Variants in HIVEP3 observed in about 807,000 individuals in gnomAD.
HIVEP3 encodes transcription factor HIVEP3.
A neutral mutation model predicts 152.8 loss-of-function variants in HIVEP3; 49 were observed. That is an observed-to-expected ratio of 0.32 (90% confidence interval 0.26 to 0.41). HIVEP3 has a LOEUF of 0.41. HIVEP3 is among the 10% of genes least tolerant of loss of function. The probability of loss-of-function intolerance (pLI) is 1.00; values close to 1 mark genes in which losing one functional copy is unlikely to be tolerated. For synonymous variants in HIVEP3, 1,269 were observed against 1,289.0 expected, an observed-to-expected ratio of 0.98 and a Z score of 0.33; for missense variants, 2,790 against 3,103.3, an observed-to-expected ratio of 0.90 and a Z score of 2.40.
Position 41,513,223 on chromosome 1 carries a change from C to A in HIVEP3, c.5998G>T (p.Ala2000Ser). The change falls in exon 8 of 9, where the codon GCC becomes TCC. Residue 2000 changes from alanine to serine, a missense_variant. By Grantham distance (99) the Ala-to-Ser change is moderately conservative. Around this residue, in one of 9 missense-constraint regions of HIVEP3, gnomAD observed 816 missense variants for 806.5 expected, o/e 1.01. Coordinates refer to ENST00000372583, the MANE Select transcript of HIVEP3 (RefSeq NM_024503.5). ...GGGGCTGAGGCCTGTGGTTCTCGGG[C>A]CGGGGAGCATCGCTGGGGAGATGAG... ...NDSSPQRCSP[A>S]REPQASAPSP... is the part of the protein sequence containing the mutation. 1 of 1,613,586 alleles carries A rather than the reference C, an allele frequency of 6.2e-7. No individual in the cohort carries two copies. The highest frequency in any genetic ancestry group is 8.5e-7 in the Non-Finnish European group (1 of 1,179,884).
chr1:41,853,302 G>T (rs1381890792), intron 1 of HIVEP3, among the ~76,000 whole-genome samples: 1 of 152,172 alleles, frequency 6.6e-6, no homozygotes, highest in Non-Finnish European at 1.5e-5. Flanking sequence ...CTGAGACTGG[G>T]TGATTTATAA....
intron 2 of HIVEP3, among the ~76,000 whole-genome samples, chr1:41,648,252 T>C (rs951099443): frequency 2.0e-5 from 3 of 152,260 alleles, no homozygotes; most frequent in Admixed American, 6.5e-5. Flanking sequence ...TCTTTCATCC[T>C]AGTCCGACAA....
intron 1 of HIVEP3, among the ~76,000 whole-genome samples, chr1:41,887,426 C>G (rs1644364357): frequency 6.6e-6 from 1 of 152,186 alleles, no homozygotes; most frequent in Non-Finnish European, 1.5e-5. Flanking sequence ...TCAAGCCCTA[C>G]AAAATCTCAA....
intron 1 of HIVEP3, among the ~76,000 whole-genome samples, chr1:41,806,230 C>T (rs1426654176): frequency 6.6e-6 from 1 of 152,238 alleles, no homozygotes; most frequent in Non-Finnish European, 1.5e-5. Context: ...CCCAGGGCTG[C>T]CCCCTTATCA....
rs200207498 is a variant in HIVEP3 at position 41,513,550 on chromosome 1, G to T, written c.5671C>A (p.Arg1891=). 6.2e-7 allele frequency: 1 copy of T among 1,610,206 alleles called. No homozygotes were observed. Among genetic ancestry groups the T allele is most frequent in the Admixed American group, 1.7e-5 (1 of 59,790 alleles). Residue 1891 remains arginine (R), a synonymous_variant, in exon 8 of 9, where the codon CGG becomes AGG. Coordinates refer to ENST00000372583, the MANE Select transcript of HIVEP3 (RefSeq NM_024503.5). Reference sequence around the variant, plus strand: ...CCCAGGATGGGTGAGGAGTCTGCCCGCAGTGCATGTGGTGGGCCAGGCGGG... The same window carrying T: ...CCCAGGATGGGTGAGGAGTCTGCCCTCAGTGCATGTGGTGGGCCAGGCGGG... ...APPPGPPHAL[R]ADSSPILGPQ... is the part of the protein sequence containing the mutation.
chr1:41,526,284 C>T (rs935288666), intron 5 of HIVEP3, among the ~76,000 whole-genome samples: 10 of 147,432 alleles, frequency 6.8e-5, no homozygotes, highest in Non-Finnish European at 1.2e-4. Flanking sequence ...CACCCTCACA[C>T]GCTCACCCTC....
In HIVEP3 at chr1:41,815,335, G is replaced by A. The variant is rs982230963; in HGVS notation, c.-801+103078C>T. Among the ~76,000 whole-genome samples, 13 of 152,194 alleles carry A rather than the reference G, an allele frequency of 8.5e-5. No individual in the cohort carries two copies. The South Asian group carries it at 1.9e-3, about 22-fold the overall frequency. On this transcript the variant is annotated intron_variant, in intron 1 of 8. Transcript: ENST00000372583. The stretch of plus-strand genomic sequence containing the variant: ...CAAAAAATAAAAATTAGCTGGGCAT[G>A]GTGGTGCATGCCTGCAGCCCCAGCT...
chr1:41,988,528 CAGTT>C (rs1315897409), intron 1 of HIVEP3, among the ~76,000 whole-genome samples: 1 of 152,132 alleles, frequency 6.6e-6, no homozygotes, highest in Admixed American at 6.5e-5. Flanking sequence ...TACTTCACAA[CAGTT>C]AGGATAGCTG....
intron 2 of HIVEP3, among the ~76,000 whole-genome samples, chr1:41,681,143 G>A (rs531176504): frequency 6.6e-6 from 1 of 151,804 alleles, no homozygotes; most frequent in East Asian, 1.9e-4. Flanking sequence ...CTGTCTGCTG[G>A]AGTGCAGTGG....
chr1:41,589,135 A>T (rs1644548192), intron 3 of HIVEP3, among the ~76,000 whole-genome samples: 1 of 152,238 alleles, frequency 6.6e-6, no homozygotes, highest in South Asian at 2.1e-4. Context: ...GAAAAGAGCC[A>T]CTTTTCCAGG....
rs547806983 is a variant in HIVEP3 at position 41,898,665 on chromosome 1, G to A, written c.-801+19748C>T. On this transcript the variant is annotated intron_variant, in intron 1 of 8. Transcript: ENST00000372583. ...GAATAAGTCCTCTCTGAGAATTTAC[G>A]AAGGCACCTGGCTGCCATCAGCACA... Among the ~76,000 whole-genome samples the A allele has an allele frequency of 3.3e-5, 5 of 152,342 alleles. No homozygotes were observed. The South Asian group carries it at 6.2e-4, about 19-fold the overall frequency.
intron 1 of HIVEP3, among the ~76,000 whole-genome samples, chr1:41,823,743 T>C (rs1470629163): frequency 3.3e-5 from 5 of 152,070 alleles, no homozygotes; most frequent in Non-Finnish European, 5.9e-5. Context: ...GAAACCCAAT[T>C]AGCACAAAGT....
intron 1 of HIVEP3, among the ~76,000 whole-genome samples, chr1:41,782,764 T>G (rs1362315421): frequency 5.3e-5 from 8 of 151,098 alleles, no homozygotes; most frequent in African/African-American, 1.9e-4. Flanking sequence ...ATAGTAACAT[T>G]TTAATGCATA....
intron 6 of HIVEP3, among the ~76,000 whole-genome samples, chr1:41,520,572 C>T (rs1001479243): frequency 2.6e-5 from 4 of 152,176 alleles, no homozygotes; most frequent in African/African-American, 9.7e-5. Context: ...GTCCTAAGGT[C>T]GTGGAGCCAG....
chr1:41,695,072 C>T (rs1646252284), intron 2 of HIVEP3, among the ~76,000 whole-genome samples: 1 of 152,196 alleles, frequency 6.6e-6, no homozygotes, highest in Admixed American at 6.5e-5. Context: ...TCCCCCAAAG[C>T]TGTATGATGC....
intron 1 of HIVEP3, among the ~76,000 whole-genome samples, chr1:41,978,767 A>C (rs72672706): frequency 0.016 from 2,417 of 152,278 alleles, 49 homozygotes; most frequent in African/African-American, 0.051. Flanking sequence ...GAGGAGGAGA[A>C]GCATGGGAGC....
intron 1 of HIVEP3, among the ~76,000 whole-genome samples, chr1:41,944,108 G>A (rs943758787): frequency 6.6e-6 from 1 of 152,198 alleles, no homozygotes; most frequent in African/African-American, 2.4e-5. Flanking sequence ...TGGTTGCCAG[G>A]GACTGGGCAG....
intron 1 of HIVEP3, among the ~76,000 whole-genome samples, chr1:41,748,182 C>G (rs1207512705): frequency 6.6e-6 from 1 of 152,194 alleles, no homozygotes; most frequent in Non-Finnish European, 1.5e-5. Flanking sequence ...ACGGCAGGGC[C>G]TTTCCACAAG....
chr1:41,870,704 A>G (rs956196257), intron 1 of HIVEP3, among the ~76,000 whole-genome samples: 1 of 152,236 alleles, frequency 6.6e-6, no homozygotes, highest in African/African-American at 2.4e-5. Context: ...AGTGAAAACA[A>G]TAAGATGTAA....
Sources: gnomAD v4.1 joint callset for allele counts (sites outside exome capture counted in the v4.1 genomes callset) on GRCh38, gnomAD v4.1.1 for gene constraint, gnomAD v4.1.1 regional missense constraint, MANE v1.5 for transcripts, NCBI Gene and HGNC (gene_info 2026-07-23, HGNC 2026-07-21) for gene names.